Variants in MYO1D observed in about 807,000 individuals in gnomAD.
MYO1D encodes the protein unconventional myosin-Id.
MYO1D carries 83 observed loss-of-function variants against 122.0 expected under a neutral mutation model. The observed-to-expected ratio is 0.68, with a 90% confidence interval of 0.57 to 0.82. The LOEUF is 0.82. Among genes scored for constraint, MYO1D ranks in the 40% least tolerant of loss-of-function variants. The pLI is 0.00. For synonymous variants in MYO1D, 464 were observed against 446.9 expected, an observed-to-expected ratio of 1.04 and a Z score of -0.48; for missense variants, 1,157 against 1,269.5, an observed-to-expected ratio of 0.91 and a Z score of 1.35.
chr17:32,591,024 A>G (rs115474810), intron 21 of MYO1D, among the ~76,000 whole-genome samples: 1,667 of 152,332 alleles, frequency 0.011, 26 homozygotes, highest in African/African-American at 0.038. Flanking sequence ...GCAAATAAGA[A>G]TCTTTGATTT....
At chr17:32,822,498 G>A (rs1014573498) in intron 1 of MYO1D, among the ~76,000 whole-genome samples, 3 of 149,546 alleles carry the variant, frequency 2.0e-5, no homozygotes, top group African/African-American at 7.5e-5. Context: ...GTCCCCGGTC[G>A]GCGCGCCGCT....
At chr17:32,793,839 A>G (rs895154690) in intron 1 of MYO1D, among the ~76,000 whole-genome samples, 14 of 152,220 alleles carry the variant, frequency 9.2e-5, no homozygotes, top group Non-Finnish European at 1.5e-5. Context: ...ACTTTCTTCA[A>G]CTGATATAGT....
At position 32,701,388 on chromosome 17, in the gene MYO1D, A is replaced by T. The variant is rs189577969; in HGVS notation, c.2121+10600T>A. Among the ~76,000 whole-genome samples the T allele has an allele frequency of 4.5e-4, 68 of 152,296 alleles. 1 individual carries two copies. The Middle Eastern group carries it at 0.01, about 23-fold the overall frequency. On this transcript the variant is annotated intron_variant, in intron 16 of 21. Transcript: ENST00000318217. ...TTCCAAAATACAGACAAAAAAAGAA[A>T]AGTGTCCATTTTATCTTGTTAGGTA... is the stretch of plus-strand genomic sequence containing the variant.
chr17:32,592,527 G>T (rs2087447743), intron 21 of MYO1D, among the ~76,000 whole-genome samples: 1 of 151,776 alleles, frequency 6.6e-6, no homozygotes, highest in South Asian at 2.1e-4. Context: ...TAGTCAATTT[G>T]GTATTTACAC....
intron 1 of MYO1D, among the ~76,000 whole-genome samples, chr17:32,788,222 G>A (rs573625097): frequency 6.6e-6 from 1 of 152,142 alleles, no homozygotes; most frequent in South Asian, 2.1e-4. Flanking sequence ...CCATAGCTAC[G>A]CCAATATCTG....
chr17:32,556,633 C>T (rs1490356280), intron 21 of MYO1D, among the ~76,000 whole-genome samples: 1 of 151,728 alleles, frequency 6.6e-6, no homozygotes, highest in African/African-American at 2.4e-5. Context: ...GATCCTCCCA[C>T]CTCAGCCTCC....
chr17:32,520,031 C>T (rs944698457), intron 21 of MYO1D, among the ~76,000 whole-genome samples: 8 of 152,166 alleles, frequency 5.3e-5, no homozygotes, highest in Non-Finnish European at 1.2e-4. Flanking sequence ...AGCCATACTG[C>T]AGCAGTTTGC....
chr17:32,604,951 A>G (rs2087608073), intron 21 of MYO1D, 136 bp downstream of exon 21: 1 of 821,112 alleles, frequency 1.2e-6, no homozygotes, highest in African/African-American at 1.7e-5. Context: ...CTTCTGCGAA[A>G]CAGATGATTT....
chr17:32,513,924 C>T lies in MYO1D; in HGVS notation c.2865-19009G>A, dbSNP rs944755240. On this transcript the variant is annotated intron_variant, in intron 21 of 21. Transcript: ENST00000318217. Reference sequence around the variant, plus strand: ...GGCTCACTGCAGCCTTCTGGGACTACAGGCATACACCACCATGCTAATTAA... The same window carrying T: ...GGCTCACTGCAGCCTTCTGGGACTATAGGCATACACCACCATGCTAATTAA... 6.6e-5 allele frequency among the ~76,000 whole-genome samples: 10 copies of T among 151,542 alleles called. No homozygotes were observed. The East Asian group carries it at 1.4e-3, about 21-fold the overall frequency.
chr17:32,759,905 G>C, intron 10 of MYO1D: 1 of 523,094 alleles, frequency 1.9e-6, no homozygotes, highest in East Asian at 2.9e-5. Context: ...CTACAAAGTA[G>C]AAGAGGAGAA....
intron 19 of MYO1D, among the ~76,000 whole-genome samples, chr17:32,641,520 C>T (rs1410659854): frequency 2.6e-5 from 4 of 152,220 alleles, no homozygotes; most frequent in African/African-American, 4.8e-5. Context: ...CTGTCTTCCA[C>T]AATGGTTGAA....
chr17:32,718,293 CCATA>C (rs1233791873), intron 15 of MYO1D, among the ~76,000 whole-genome samples: 1 of 152,156 alleles, frequency 6.6e-6, no homozygotes, highest in Non-Finnish European at 1.5e-5. Context: ...TTCTAGTCTG[CCATA>C]CAAATAGCTA....
intron 21 of MYO1D, among the ~76,000 whole-genome samples, chr17:32,587,092 G>A (rs2087393473): frequency 6.6e-6 from 1 of 152,114 alleles, no homozygotes; most frequent in Non-Finnish European, 1.5e-5. Flanking sequence ...TCTCATTTTT[G>A]TTACTAGTTT....
chr17:32,535,825 T>C (rs1036304712), intron 21 of MYO1D, among the ~76,000 whole-genome samples: 15 of 152,336 alleles, frequency 9.8e-5, no homozygotes, highest in Middle Eastern at 3.4e-3. Context: ...GTTTAGATAA[T>C]ATCTTTGAGG....
At chr17:32,586,995 T>A (rs977416271) in intron 21 of MYO1D, among the ~76,000 whole-genome samples, 1 of 152,204 alleles carries the variant, frequency 6.6e-6, no homozygotes, top group African/African-American at 2.4e-5. Flanking sequence ...TTGATGGGTA[T>A]GATGAAAACA....
At chr17:32,500,310 T>G (rs1211355386) in intron 21 of MYO1D, among the ~76,000 whole-genome samples, 1 of 152,180 alleles carries the variant, frequency 6.6e-6, no homozygotes, top group Non-Finnish European at 1.5e-5. Flanking sequence ...AGGAAGACAA[T>G]GGGCACAACT....
At chr17:32,625,932 C>T (rs1204902434) in intron 20 of MYO1D, among the ~76,000 whole-genome samples, 2 of 152,208 alleles carry the variant, frequency 1.3e-5, no homozygotes, top group Non-Finnish European at 2.9e-5. Context: ...GGATTAGGGG[C>T]TAGGTCACAC....
In MYO1D at chr17:32,690,498, C is replaced by T. The variant is rs147224130; in HGVS notation, c.2121+21490G>A. ...CCGAGTGTTTATCATTTTTATGTGTCGGCATCTGACATGGTTTGGATGTCT... is the reference window on the plus strand; with the variant it reads ...CCGAGTGTTTATCATTTTTATGTGTTGGCATCTGACATGGTTTGGATGTCT... On this transcript the variant is annotated intron_variant, in intron 16 of 21. Transcript: ENST00000318217. Among the ~76,000 whole-genome samples the T allele has an allele frequency of 1.7e-3, 264 of 152,190 alleles. 1 individual carries two copies. Among genetic ancestry groups the T allele is most frequent in the African/African-American group, 3.0e-3 (126 of 41,556 alleles).
intron 19 of MYO1D, among the ~76,000 whole-genome samples, chr17:32,648,941 C>G (rs2088341880): frequency 6.6e-6 from 1 of 151,846 alleles, no homozygotes; most frequent in African/African-American, 2.4e-5. Context: ...TTAGTTATAA[C>G]TTTTTGTATT....
Sources: gnomAD v4.1 joint callset for allele counts (sites outside exome capture counted in the v4.1 genomes callset) on GRCh38, gnomAD v4.1.1 for gene constraint, MANE v1.5 for transcripts, NCBI Gene and HGNC (gene_info 2026-07-23, HGNC 2026-07-21) for gene names.